The following RASAL2 variants were observed in gnomAD, a reference collection of about 807,000 sequenced individuals.
The protein encoded by RASAL2 is RAS protein activator like 2, also known as ras GTPase-activating protein nGAP.
Under a neutral mutation model 128.9 loss-of-function variants are expected in RASAL2, and 58 were observed. The observed-to-expected ratio is 0.45, with a 90% CI of 0.36 to 0.56. RASAL2 has a LOEUF of 0.56. RASAL2 is among the 20% of genes least tolerant of loss of function. The pLI, the probability that RASAL2 is intolerant of heterozygous loss-of-function variation, is 0.00. For synonymous variants in RASAL2, 561 were observed against 580.8 expected (o/e 0.97, Z 0.49); for missense variants, 1,360 against 1,601.6 (o/e 0.85, Z 2.57).
At chr1:178,401,127 G>A (rs968445766) in intron 4 of RASAL2, among the ~76,000 whole-genome samples, 1 of 152,168 alleles carries the variant, frequency 6.6e-6, no homozygotes, top group Non-Finnish European at 1.5e-5. Context: ...CTTCAGCACT[G>A]ACCTTTTATT....
chr1:178,365,853 T>C lies in RASAL2; in HGVS notation c.458-24247T>C, dbSNP rs148510516. ...TATTGAATGTCCGTAAGTTCAATAG[T>C]AATCCTCCAAATATTTGAGACATAT... On this transcript the variant is annotated intron_variant, in intron 3 of 17. Transcript: ENST00000367649. Among the ~76,000 whole-genome samples the C allele has an allele frequency of 2.0e-3, 303 of 152,312 alleles. 3 individuals carry two copies. The highest frequency in any genetic ancestry group is 7.0e-3 in the African/African-American group (293 of 41,580).
chr1:178,279,826 C>T (rs1391904158), intron 1 of RASAL2, among the ~76,000 whole-genome samples: 2 of 152,072 alleles, frequency 1.3e-5, no homozygotes, highest in African/African-American at 2.4e-5. Context: ...GGCAGCTTCC[C>T]AGTAGTACTT....
intron 4 of RASAL2, among the ~76,000 whole-genome samples, chr1:178,400,908 G>C (rs1320231521): frequency 6.6e-6 from 1 of 152,028 alleles, no homozygotes; most frequent in Non-Finnish European, 1.5e-5. Flanking sequence ...ATGCCACCAC[G>C]CCTGGCTAAT....
At chr1:178,225,779 A>G (rs535866848) in intron 1 of RASAL2, among the ~76,000 whole-genome samples, 1 of 151,980 alleles carries the variant, frequency 6.6e-6, no homozygotes, top group Non-Finnish European at 1.5e-5. Context: ...ATATATATAT[A>G]TATCCTGTAT....
At chr1:178,349,222 C>T (rs760069507) in intron 3 of RASAL2, among the ~76,000 whole-genome samples, 1 of 148,766 alleles carries the variant, frequency 6.7e-6, no homozygotes, top group East Asian at 2.0e-4. Context: ...AGATCGAGAC[C>T]GTCCTGGCCA....
intron 1 of RASAL2, among the ~76,000 whole-genome samples, chr1:178,198,014 A>G (rs952525999): frequency 6.6e-6 from 1 of 152,176 alleles, no homozygotes; most frequent in Non-Finnish European, 1.5e-5. Flanking sequence ...CCATGTCGCT[A>G]CAAAGGACAT....
At chr1:178,303,307 T>C (rs769222377) in intron 3 of RASAL2, among the ~76,000 whole-genome samples, 21 of 152,124 alleles carry the variant, frequency 1.4e-4, no homozygotes, top group Non-Finnish European at 2.5e-4. Flanking sequence ...ATAAAACTTC[T>C]AGAAATAGTG....
intron 1 of RASAL2, among the ~76,000 whole-genome samples, chr1:178,201,801 GA>G (rs554518320): frequency 1.4e-3 from 213 of 152,306 alleles, no homozygotes; most frequent in African/African-American, 5.0e-3. Flanking sequence ...TATATAAGCA[GA>G]AAACGTTCAG....
chr1:178,368,799 G>A (rs375540854), intron 3 of RASAL2, among the ~76,000 whole-genome samples: 13 of 151,770 alleles, frequency 8.6e-5, no homozygotes, highest in Non-Finnish European at 1.6e-4. Context: ...CACCACATCC[G>A]GCTAATTTTT....
intron 4 of RASAL2, among the ~76,000 whole-genome samples, chr1:178,396,732 TCTA>T (rs1673255489): frequency 6.6e-6 from 1 of 151,722 alleles, no homozygotes; most frequent in African/African-American, 2.4e-5. Flanking sequence ...ATATTAAACA[TCTA>T]CTAATTTCAA....
At chr1:178,321,796 C>A (rs2102337037) in intron 3 of RASAL2, among the ~76,000 whole-genome samples, 1 of 151,950 alleles carries the variant, frequency 6.6e-6, no homozygotes, top group Middle Eastern at 3.4e-3. Context: ...TGAGACCAGC[C>A]TGACCAACAT....
At chr1:178,338,570 G>T (rs187327787) in intron 3 of RASAL2, among the ~76,000 whole-genome samples, 108 of 152,170 alleles carry the variant, frequency 7.1e-4, no homozygotes, top group Non-Finnish European at 1.4e-3. Context: ...ATACTATTTG[G>T]TTGATTCATA....
At chr1:178,217,664 T>C (rs1335509495) in intron 1 of RASAL2, among the ~76,000 whole-genome samples, 2 of 152,340 alleles carry the variant, frequency 1.3e-5, no homozygotes, top group East Asian at 1.9e-4. Context: ...AATTTAAAAT[T>C]TTTTTATTGC....
At chr1:178,449,380 T>C (rs1380469589) in intron 9 of RASAL2, among the ~76,000 whole-genome samples, 1 of 152,154 alleles carries the variant, frequency 6.6e-6, no homozygotes, top group African/African-American at 2.4e-5. Context: ...TTTCCACTTG[T>C]AGCAGTGGAG....
chr1:178,312,370 G>C lies in RASAL2; in HGVS notation c.457+12252G>C, dbSNP rs1051398954. Among the ~76,000 whole-genome samples, 15 of 152,194 alleles carry C rather than the reference G, an allele frequency of 9.9e-5. 1 individual carries two copies. Among genetic ancestry groups the C allele is most frequent in the South Asian group, 4.1e-4 (2 of 4,834 alleles). On this transcript the variant is annotated intron_variant, in intron 3 of 17. Coordinates refer to ENST00000367649, the MANE Select transcript of RASAL2 (RefSeq NM_170692.4). ...TTACAATAAGCAATATCAGAAGCTA[G>C]AGAACAATGAGGAATGCCCTCAAAA...
intron 3 of RASAL2, among the ~76,000 whole-genome samples, chr1:178,383,535 A>G (rs1341863135): frequency 6.6e-6 from 1 of 152,056 alleles, no homozygotes; most frequent in African/African-American, 2.4e-5. Context: ...TTAAGTTCCT[A>G]TTACCTTTAG....
intron 1 of RASAL2, among the ~76,000 whole-genome samples, chr1:178,202,235 A>G (rs1259962765): frequency 1.3e-5 from 2 of 152,198 alleles, no homozygotes; most frequent in African/African-American, 4.8e-5. Flanking sequence ...GGGCTTGAGC[A>G]GGTCCTGAAG....
intron 1 of RASAL2, among the ~76,000 whole-genome samples, chr1:178,179,785 CTG>C (rs1270362894): frequency 6.6e-6 from 1 of 152,162 alleles, no homozygotes; most frequent in Admixed American, 6.5e-5. Flanking sequence ...ATTCTTATCA[CTG>C]TCATTCATAC....
chr1:178,142,547 A>C (rs938159714), intron 1 of RASAL2, among the ~76,000 whole-genome samples: 4 of 152,142 alleles, frequency 2.6e-5, no homozygotes, highest in Admixed American at 6.5e-5. Context: ...AGAGTTTCGG[A>C]TTCTTAGTAA....
Sources: gnomAD v4.1 joint callset for allele counts (sites outside exome capture counted in the v4.1 genomes callset) on GRCh38, gnomAD v4.1.1 for gene constraint, MANE v1.5 for transcripts, NCBI Gene and HGNC (gene_info 2026-07-23, HGNC 2026-07-21) for gene names.